SORCS2: variants seen among roughly 807,000 people sequenced by gnomAD.
SORCS2 encodes the protein sortilin related VPS10 domain containing receptor 2.
In SORCS2, 100 loss-of-function variants were observed where a neutral mutation model predicts 141.6. The ratio of observed to expected loss-of-function variants is 0.71; its 90% CI spans 0.60 to 0.83. The LOEUF is 0.83. Ranked by LOEUF, SORCS2 falls within the 40% of genes least tolerant of loss-of-function variation. SORCS2 has a pLI of 0.00. For synonymous variants in SORCS2, 789 were observed against 676.9 expected (o/e 1.17, Z -2.57); for missense variants, 1,646 against 1,560.2 (o/e 1.05, Z -0.93).
intron 2 of SORCS2, among the ~76,000 whole-genome samples, chr4:7,468,387 G>A (rs1344663483): frequency 1.3e-5 from 2 of 152,202 alleles, no homozygotes; most frequent in African/African-American, 2.4e-5. Context: ...CTCCATCCTC[G>A]CAGTACTCAT....
intron 2 of SORCS2, among the ~76,000 whole-genome samples, chr4:7,527,996 T>A (rs1733802505): frequency 6.6e-6 from 1 of 152,064 alleles, no homozygotes; most frequent in Admixed American, 6.5e-5. Context: ...TGCTCCCGGC[T>A]GCAGTGTCTG....
At chr4:7,532,154 G>T (rs917459320) in intron 3 of SORCS2, among the ~76,000 whole-genome samples, 1 of 152,162 alleles carries the variant, frequency 6.6e-6, no homozygotes, top group African/African-American at 2.4e-5. Flanking sequence ...GCTACCCACC[G>T]TGGGTTCCGT....
At chr4:7,409,260 TA>T (rs1231509400) in intron 2 of SORCS2, among the ~76,000 whole-genome samples, 1 of 152,212 alleles carries the variant, frequency 6.6e-6, no homozygotes, top group Non-Finnish European at 1.5e-5. Flanking sequence ...AGTGGTGCCT[TA>T]AGCCCAGGTT....
chr4:7,373,680 T>TG (rs1722425970), intron 1 of SORCS2, among the ~76,000 whole-genome samples: 2 of 150,676 alleles, frequency 1.3e-5, no homozygotes, highest in African/African-American at 4.9e-5. Context: ...TTAGTAGAGA[T>TG]GGGGTTTCAC....
rs943201085 is a variant in SORCS2 at position 7,566,351 on chromosome 4, G to A, written c.648+34722G>A. Among the ~76,000 whole-genome samples the A allele has an allele frequency of 5.9e-5, 9 of 152,248 alleles. No individual in the cohort carries two copies. In the South Asian group the frequency reaches 6.2e-4, roughly 11 times the overall value. On this transcript the variant is annotated intron_variant, in intron 3 of 26. Coordinates refer to ENST00000507866, the MANE Select transcript of SORCS2 (RefSeq NM_020777.3). ...GGTGATGATGTGATGATGAGGTGAT[G>A]ATGATGATGATGACTCTGCTACTGC...
chr4:7,345,086 G>C (rs922189922), intron 1 of SORCS2, among the ~76,000 whole-genome samples: 1 of 152,186 alleles, frequency 6.6e-6, no homozygotes, highest in Non-Finnish European at 1.5e-5. Context: ...GGATGGATTA[G>C]AGGGGGAAGG....
intron 1 of SORCS2, among the ~76,000 whole-genome samples, chr4:7,200,018 A>T (rs1297542665): frequency 6.9e-6 from 1 of 144,426 alleles, no homozygotes; most frequent in African/African-American, 2.6e-5. Context: ...GGGGAAGCGC[A>T]GAGGTGGGGG....
intron 3 of SORCS2, among the ~76,000 whole-genome samples, chr4:7,586,432 G>T (rs143725100): frequency 1.3e-4 from 20 of 152,290 alleles, no homozygotes; most frequent in South Asian, 1.2e-3. Flanking sequence ...CCATCACCCA[G>T]GTATTAAGCC....
At chr4:7,673,895 G>C (rs1042250784) in intron 8 of SORCS2, among the ~76,000 whole-genome samples, 2 of 152,142 alleles carry the variant, frequency 1.3e-5, no homozygotes, top group African/African-American at 4.8e-5. Context: ...CAATCTGACT[G>C]CACGGTCTAA....
At chr4:7,389,074 C>T (rs771567156) in intron 1 of SORCS2, among the ~76,000 whole-genome samples, 1 of 152,162 alleles carries the variant, frequency 6.6e-6, no homozygotes, top group Non-Finnish European at 1.5e-5. Flanking sequence ...TCATTCCTGC[C>T]CCCACGGGCA....
At chr4:7,617,378 C>T (rs558462932) in intron 3 of SORCS2, among the ~76,000 whole-genome samples, 1 of 152,160 alleles carries the variant, frequency 6.6e-6, no homozygotes, top group Non-Finnish European at 1.5e-5. Flanking sequence ...ACCCACCCAC[C>T]CGTGCATGCA....
intron 6 of SORCS2, among the ~76,000 whole-genome samples, chr4:7,662,590 CT>C: frequency 6.6e-6 from 1 of 152,214 alleles, no homozygotes; most frequent in East Asian, 1.9e-4. Flanking sequence ...GAGTAGCCTA[CT>C]GGGCAAAACA....
chr4:7,295,398 G>A (rs987177857), intron 1 of SORCS2, among the ~76,000 whole-genome samples: 2 of 151,870 alleles, frequency 1.3e-5, no homozygotes, highest in East Asian at 2.0e-4. Context: ...GGCCGGGTGC[G>A]TTGCTACTGG....
intron 2 of SORCS2, among the ~76,000 whole-genome samples, chr4:7,444,645 A>T (rs1419202517): frequency 6.6e-6 from 1 of 152,172 alleles, no homozygotes; most frequent in Non-Finnish European, 1.5e-5. Flanking sequence ...GAGCCATAGC[A>T]GGGTTTTGAG....
intron 2 of SORCS2, among the ~76,000 whole-genome samples, chr4:7,470,585 A>G (rs1729914007): frequency 6.6e-6 from 1 of 152,210 alleles, no homozygotes; most frequent in Non-Finnish European, 1.5e-5. Context: ...AGCTGCTGTG[A>G]TGGTCTGGGC....
chr4:7,607,420 A>C (rs1377533273), intron 3 of SORCS2, among the ~76,000 whole-genome samples: 3 of 151,596 alleles, frequency 2.0e-5, no homozygotes, highest in Non-Finnish European at 2.9e-5. Context: ...TCCAGATTCA[A>C]CGCCTACCAC....
At chr4:7,424,565 C>A (rs1050848670) in intron 2 of SORCS2, among the ~76,000 whole-genome samples, 5 of 152,194 alleles carry the variant, frequency 3.3e-5, no homozygotes, top group Non-Finnish European at 5.9e-5. Flanking sequence ...GTGTGGGTAA[C>A]AGAGCCCTCC....
chr4:7,411,927 C>T (rs1362447128), intron 2 of SORCS2, among the ~76,000 whole-genome samples: 2 of 152,238 alleles, frequency 1.3e-5, no homozygotes, highest in Non-Finnish European at 2.9e-5. Context: ...GCTTTCAACA[C>T]TGCTACAGCC....
At chr4:7,511,926 C>T (rs1001564869) in intron 2 of SORCS2, among the ~76,000 whole-genome samples, 3 of 152,212 alleles carry the variant, frequency 2.0e-5, no homozygotes. Context: ...AAATCCCACC[C>T]TTTCTCCCTT....
Sources: allele counts gnomAD v4.1 joint callset (sites outside exome capture counted in the v4.1 genomes callset), GRCh38; gene constraint gnomAD v4.1.1; transcripts MANE v1.5; gene names NCBI Gene and HGNC (gene_info 2026-07-23, HGNC 2026-07-21).